The following ELMOD1 variants were observed in gnomAD, a reference collection of about 807,000 sequenced individuals.
The protein encoded by ELMOD1 is ELMO domain-containing protein 1.
ELMOD1 carries 21 observed loss-of-function variants against 46.7 expected under a neutral mutation model. That is an observed-to-expected ratio of 0.45 (90% CI 0.32 to 0.65). ELMOD1 has a LOEUF of 0.65. ELMOD1 is among the 30% of genes least tolerant of loss of function. ELMOD1 has a pLI of 0.04. For missense variants in ELMOD1, 348 were observed against 407.8 expected, an observed-to-expected ratio of 0.85 and a Z score of 1.26; for synonymous variants, 122 against 138.2, an observed-to-expected ratio of 0.88 and a Z score of 0.82.
chr11:107,652,181 T>C (rs903859099), intron 9 of ELMOD1, among the ~76,000 whole-genome samples: 1 of 152,186 alleles, frequency 6.6e-6, no homozygotes, highest in Admixed American at 6.5e-5. Flanking sequence ...CTGATAAAAG[T>C]ATATATGGAT....
chr11:107,640,655 A>C (rs1866305320), intron 6 of ELMOD1, among the ~76,000 whole-genome samples: 3 of 152,332 alleles, frequency 2.0e-5, no homozygotes, highest in African/African-American at 7.2e-5. Flanking sequence ...ATGAAAAAGA[A>C]GTTCCTCATG....
intron 9 of ELMOD1, among the ~76,000 whole-genome samples, chr11:107,651,624 A>G (rs1360894074): frequency 6.6e-6 from 1 of 151,734 alleles, no homozygotes; most frequent in African/African-American, 2.4e-5. Flanking sequence ...AAAACACTAC[A>G]ATCATTTAGC....
chr11:107,658,696 A>T (rs1052581261), intron 11 of ELMOD1, among the ~76,000 whole-genome samples: 1 of 152,242 alleles, frequency 6.6e-6, no homozygotes, highest in African/African-American at 2.4e-5. Flanking sequence ...GCACTTTGGG[A>T]GGCCAAGAAG....
chr11:107,593,948 A>G (rs947800029), intron 1 of ELMOD1, among the ~76,000 whole-genome samples: 2 of 152,198 alleles, frequency 1.3e-5, no homozygotes, highest in African/African-American at 2.4e-5. Context: ...CAAGCTTTTG[A>G]AAATAACTCA....
At chr11:107,663,216 A>G (rs1340720752) in intron 11 of ELMOD1, among the ~76,000 whole-genome samples, 2 of 152,144 alleles carry the variant, frequency 1.3e-5, no homozygotes, top group Admixed American at 1.3e-4. Context: ...TCAGGTTCCC[A>G]TGACAGTGAT....
chr11:107,631,717 A>G, intron 5 of ELMOD1, 40 bp downstream of exon 5: 1 of 1,136,144 alleles, frequency 8.8e-7, no homozygotes, highest in Non-Finnish European at 1.3e-6. Context: ...CAGAACACAA[A>G]TCACATGGCC....
chr11:107,654,400 A>T, intron 10 of ELMOD1, among the ~76,000 whole-genome samples, 178 bp downstream of exon 10: 1 of 152,242 alleles, frequency 6.6e-6, no homozygotes, highest in Non-Finnish European at 1.5e-5. Flanking sequence ...TGGTTATATG[A>T]TATTACTTTG....
chr11:107,627,805 C>G (rs1866068409), intron 2 of ELMOD1, among the ~76,000 whole-genome samples: 1 of 152,148 alleles, frequency 6.6e-6, no homozygotes, highest in South Asian at 2.1e-4. Context: ...GTCCTCTTCT[C>G]TAGGAAGATT....
intron 1 of ELMOD1, chr11:107,592,226 G>A: frequency 5.1e-6 from 2 of 391,154 alleles, no homozygotes; most frequent in South Asian, 1.9e-5. Context: ...GGGCTCACTT[G>A]CTTCAGATCA....
chr11:107,655,557 C>G (rs1866613052), intron 10 of ELMOD1, among the ~76,000 whole-genome samples: 1 of 130,162 alleles, frequency 7.7e-6, no homozygotes, highest in Non-Finnish European at 1.6e-5. Flanking sequence ...TATCAGATTA[C>G]CCATTATTGA....
intron 6 of ELMOD1, among the ~76,000 whole-genome samples, chr11:107,637,725 A>G (rs940845922): frequency 6.6e-6 from 1 of 151,860 alleles, no homozygotes; most frequent in African/African-American, 2.4e-5. Context: ...AAAAATCACT[A>G]AATCTTATCC....
rs1865385355 is a variant in ELMOD1 at position 107,591,334 on chromosome 11, C to G, written c.-161C>G. The G allele has an allele frequency of 6.6e-6, 1 of 152,356 alleles. No individual in the cohort carries two copies. Among genetic ancestry groups the G allele is most frequent in the African/African-American group, 2.4e-5 (1 of 41,444 alleles). The allele number at this position is 152,356 out of a possible 1,614,324, so 9.4% of individuals were successfully genotyped here. ...GCCGCCGCGGAGCGCGTAGCCGGAG[C>G]GCCTGGGGAAGGCGGAGATGAAGAC... On this transcript the variant is annotated 5_prime_UTR_variant, in exon 1 of 12. Coordinates refer to ENST00000265840, the MANE Select transcript of ELMOD1 (RefSeq NM_018712.4).
chr11:107,615,935 G>A (rs1386746604), intron 1 of ELMOD1, among the ~76,000 whole-genome samples: 3 of 150,140 alleles, frequency 2.0e-5, no homozygotes, highest in African/African-American at 2.5e-5. Flanking sequence ...CTTATCACTG[G>A]TGATCTTAGC....
intron 5 of ELMOD1, 22 bp downstream of exon 5, chr11:107,631,699 C>T: frequency 1.0e-5 from 14 of 1,334,428 alleles, no homozygotes; most frequent in Non-Finnish European, 1.3e-5. Context: ...TTTCTTATGT[C>T]AAAAATACAG....
chr11:107,625,246 A>G (rs1156981831), intron 2 of ELMOD1, among the ~76,000 whole-genome samples: 3 of 152,198 alleles, frequency 2.0e-5, no homozygotes, highest in African/African-American at 7.2e-5. Context: ...GAGCAACTAA[A>G]TGATCTGTCG....
At chr11:107,656,471 T>TTA (rs936042197) in intron 11 of ELMOD1, among the ~76,000 whole-genome samples, 2 of 148,120 alleles carry the variant, frequency 1.4e-5, no homozygotes, top group Non-Finnish European at 3.0e-5. Flanking sequence ...TATATGTATT[T>TTA]TATATATATA....
intron 6 of ELMOD1, among the ~76,000 whole-genome samples, chr11:107,645,089 ATTTTTTTTT>A (rs11390120): frequency 4.8e-5 from 5 of 103,206 alleles, no homozygotes; most frequent in South Asian, 3.5e-4. Context: ...TGCCTGGCTA[ATTTTTTTTT>A]TTTTTTTTTT....
At chr11:107,602,771 T>A (rs1591100573) in intron 1 of ELMOD1, among the ~76,000 whole-genome samples, 1 of 151,670 alleles carries the variant, frequency 6.6e-6, no homozygotes, top group East Asian at 2.0e-4. Flanking sequence ...CTGTAATTCA[T>A]GTCAGAAACG....
At chr11:107,662,917 C>T (rs568729985) in intron 11 of ELMOD1, among the ~76,000 whole-genome samples, 6 of 151,390 alleles carry the variant, frequency 4.0e-5, no homozygotes, top group Admixed American at 2.6e-4. Flanking sequence ...TTTGTAGAAA[C>T]GGGGTCTTCC....
Sources: allele counts gnomAD v4.1 joint callset (sites outside exome capture counted in the v4.1 genomes callset), GRCh38; gene constraint gnomAD v4.1.1; transcripts MANE v1.5; gene names NCBI Gene and HGNC (gene_info 2026-07-23, HGNC 2026-07-21).